The following BCR variants were observed in gnomAD, a reference collection of about 807,000 sequenced individuals.
The protein encoded by BCR is BCR activator of RhoGEF and GTPase, also known as breakpoint cluster region protein.
A neutral mutation model predicts 138.6 loss-of-function variants in BCR; 58 were observed. The observed-to-expected ratio is 0.42, with a 90% confidence interval of 0.34 to 0.52. BCR has a LOEUF of 0.52. Ranked by LOEUF, BCR falls within the 20% of genes least tolerant of loss-of-function variation. BCR has a pLI of 0.06. For missense variants in BCR, 1,599 were observed against 1,727.2 expected (o/e 0.93, Z 1.32); for synonymous variants, 786 against 730.1 (o/e 1.08, Z -1.23).
chr22:23,304,835 C>G (rs2073940155), intron 16 of BCR, among the ~76,000 whole-genome samples: 1 of 152,182 alleles, frequency 6.6e-6, no homozygotes, highest in Non-Finnish European at 1.5e-5. Flanking sequence ...GGGATAGAGG[C>G]CAGGCGCGGT....
rs539632460 is a variant in BCR, at chr22:23,315,535, A to G, written c.*13A>G. ...CACCGAAGTCTAAAGGTCCCAGTCC[A>G]TCTCCTGGAGGCGGACAGATGGCCT... On this transcript the variant is annotated 3_prime_UTR_variant, in exon 23 of 23. Transcript: ENST00000305877. The G allele has an allele frequency of 2.9e-5, 47 of 1,611,102 alleles. No homozygotes were observed. The East Asian group carries it at 1.0e-3, about 34-fold the overall frequency.
At chr22:23,240,093 G>A (rs2073072530) in intron 1 of BCR, among the ~76,000 whole-genome samples, 1 of 152,008 alleles carries the variant, frequency 6.6e-6, no homozygotes, top group Admixed American at 6.6e-5. Flanking sequence ...ACAGGCATGA[G>A]CCACCACGCC....
chr22:23,192,731 C>T lies in BCR; in HGVS notation c.1279+10492C>T, dbSNP rs527401716. ...TGGAAGGGCGCTGCCCATCCATCTGCTTTTCCCACCAACAGTCAAGGGCTG... is the reference window on the plus strand; with the variant it reads ...TGGAAGGGCGCTGCCCATCCATCTGTTTTTCCCACCAACAGTCAAGGGCTG... On this transcript the variant is annotated intron_variant, in intron 1 of 22. Coordinates refer to ENST00000305877, the MANE Select transcript of BCR (RefSeq NM_004327.4). Among the ~76,000 whole-genome samples the T allele has an allele frequency of 3.9e-5, 6 of 152,336 alleles. No homozygotes were observed. In the East Asian group the frequency reaches 1.2e-3, roughly 29 times the overall value.
At chr22:23,265,898 AT>A (rs1219883943) in intron 4 of BCR, among the ~76,000 whole-genome samples, 1 of 152,202 alleles carries the variant, frequency 6.6e-6, no homozygotes, top group Non-Finnish European at 1.5e-5. Flanking sequence ...ATGAGATACT[AT>A]TATTTAATAT....
intron 1 of BCR, among the ~76,000 whole-genome samples, chr22:23,228,623 A>T (rs1348422190): frequency 6.6e-6 from 1 of 152,130 alleles, no homozygotes; most frequent in Non-Finnish European, 1.5e-5. Context: ...GGATATTTTC[A>T]TTGGATATAA....
chr22:23,296,978 A>G (rs2073851597), intron 16 of BCR, among the ~76,000 whole-genome samples: 1 of 152,114 alleles, frequency 6.6e-6, no homozygotes, highest in South Asian at 2.1e-4. Context: ...TGACGGTCAT[A>G]GTTTGGGTGA....
At chr22:23,313,837 A>G in intron 20 of BCR, 131 bp from the exon 21 acceptor site, 1 of 824,174 alleles carries the variant, frequency 1.2e-6, no homozygotes, top group South Asian at 1.3e-5. Context: ...TGGGGGCCAG[A>G]GCTGTGAGAC....
At chr22:23,205,728 G>C (rs78909895) in intron 1 of BCR, among the ~76,000 whole-genome samples, 10,649 of 150,458 alleles carry the variant, frequency 0.071, 1,249 homozygotes, top group African/African-American at 0.24. Context: ...CTAATTTTAT[G>C]TTTGTGGCTG....
chr22:23,264,396 C>G, intron 4 of BCR: 2 of 786,320 alleles, frequency 2.5e-6, no homozygotes, highest in Admixed American at 3.5e-5. Flanking sequence ...CCAAGGAGAC[C>G]AGTGAGTCAG....
rs1182508661 is a variant in BCR at position 23,239,001 on chromosome 22, CAT to C, written c.1280-14797_1280-14796del. 7.9e-5 allele frequency among the ~76,000 whole-genome samples: 12 copies of C among 152,300 alleles called. No individual in the cohort carries two copies. The East Asian group carries it at 1.5e-3, about 20-fold the overall frequency. On this transcript the variant is annotated intron_variant, in intron 1 of 22. Transcript: ENST00000305877. ...ACAGAAAGAACCCAGGCTATGGAAT[CAT>C]GTGTGGGCCCAGCAGGGTTCATAGG... is the stretch of plus-strand genomic sequence containing the variant.
chr22:23,248,879 T>A (rs1345117371), intron 1 of BCR, among the ~76,000 whole-genome samples: 2 of 151,480 alleles, frequency 1.3e-5, no homozygotes, highest in Non-Finnish European at 2.9e-5. Flanking sequence ...CCCAGAGAGG[T>A]TTTTCCACTG....
intron 4 of BCR, chr22:23,263,280 C>G (rs1204080053): frequency 8.8e-7 from 1 of 1,136,704 alleles, no homozygotes; most frequent in African/African-American, 1.5e-5. Flanking sequence ...CCTCGGCCGC[C>G]TGGCCCAGGT....
chr22:23,196,197 A>G (rs937698997), intron 1 of BCR, among the ~76,000 whole-genome samples: 1 of 152,204 alleles, frequency 6.6e-6, no homozygotes, highest in Non-Finnish European at 1.5e-5. Flanking sequence ...ATGGGAAAAC[A>G]CTGATCTTCA....
At position 23,273,069 on chromosome 22, in the gene BCR, C is replaced by T. The variant is rs559456193; in HGVS notation, c.1922-12C>T. ...ATGTGCAACCTCTCTCACCTCCCCT[C>T]TCTCTCCACAGCTCTGCTCTACAAG... On this transcript the variant is annotated splice_polypyrimidine_tract_variant and intron_variant, in intron 6 of 22. Coordinates refer to ENST00000305877, the MANE Select transcript of BCR (RefSeq NM_004327.4). 2 of 1,611,968 alleles carry T rather than the reference C, an allele frequency of 1.2e-6. No homozygotes were observed. Among genetic ancestry groups the T allele is most frequent in the East Asian group, 2.2e-5 (1 of 44,802 alleles).
chr22:23,235,894 G>A (rs754196339), intron 1 of BCR, among the ~76,000 whole-genome samples: 12 of 152,120 alleles, frequency 7.9e-5, no homozygotes, highest in Non-Finnish European at 1.0e-4. Flanking sequence ...TGAGGGTTCC[G>A]TCCTCCTGAC....
chr22:23,257,682 G>A (rs928780), intron 2 of BCR, among the ~76,000 whole-genome samples: 45,539 of 152,144 alleles, frequency 0.3, 7,340 homozygotes, highest in Middle Eastern at 0.42. Context: ...ATTCATGATG[G>A]GCAGAGAGGG....
chr22:23,251,262 A>G (rs1344034418), intron 1 of BCR: 6 of 152,238 alleles, frequency 3.9e-5, no homozygotes, highest in Admixed American at 3.9e-4. Context: ...GCAATGCTAG[A>G]CACCGGGTTG....
chr22:23,218,661 A>G (rs533687775), intron 1 of BCR, among the ~76,000 whole-genome samples: 4 of 152,192 alleles, frequency 2.6e-5, no homozygotes, highest in Non-Finnish European at 5.9e-5. Context: ...ATCTCTGATC[A>G]CCACTCAAGC....
chr22:23,279,320 G>A (rs1170686503), intron 8 of BCR, among the ~76,000 whole-genome samples: 2 of 152,232 alleles, frequency 1.3e-5, no homozygotes, highest in South Asian at 2.1e-4. Context: ...GGGAGGGCAA[G>A]TCAAGAGCAG....
Sources: allele counts gnomAD v4.1 joint callset (sites outside exome capture counted in the v4.1 genomes callset), GRCh38; gene constraint gnomAD v4.1.1; transcripts MANE v1.5; gene names NCBI Gene and HGNC (gene_info 2026-07-23, HGNC 2026-07-21).